The following ATG10 variants were observed in gnomAD, a reference collection of about 807,000 sequenced individuals.
The protein encoded by ATG10 is autophagy related 10.
ATG10 carries 30 observed loss-of-function variants against 32.1 expected under a neutral mutation model. The observed-to-expected ratio is 0.94, with a 90% CI of 0.70 to 1.27. ATG10 has a LOEUF of 1.27. Ranked by LOEUF, ATG10 falls within the 50% of genes most tolerant of loss-of-function variation. ATG10 has a pLI of 0.00. For synonymous variants in ATG10, 87 were observed against 91.5 expected (o/e 0.95, Z 0.28); for missense variants, 233 against 262.3 (o/e 0.89, Z 0.77).
At chr5:82,150,334 G>C (rs1767542807) in intron 3 of ATG10, among the ~76,000 whole-genome samples, 1 of 151,426 alleles carries the variant, frequency 6.6e-6, no homozygotes, top group African/African-American at 2.4e-5. Flanking sequence ...AATTTTTCAG[G>C]GTGCTGCAAG....
chr5:82,139,903 C>T (rs1227939511), intron 3 of ATG10, among the ~76,000 whole-genome samples: 263 of 139,244 alleles, frequency 1.9e-3, no homozygotes, highest in African/African-American at 6.2e-3. Flanking sequence ...GGGGTCAGCC[C>T]CCCGCCTGGC....
chr5:82,022,256 T>G (rs945899022), intron 2 of ATG10, among the ~76,000 whole-genome samples: 1 of 151,956 alleles, frequency 6.6e-6, no homozygotes, highest in East Asian at 1.9e-4. Flanking sequence ...TACAGAAGAC[T>G]GGATGTATAT....
intron 5 of ATG10, among the ~76,000 whole-genome samples, chr5:82,215,245 A>G (rs1280860614): frequency 6.6e-6 from 1 of 152,160 alleles, no homozygotes; most frequent in Non-Finnish European, 1.5e-5. Context: ...ACGTCTTACA[A>G]TATGGTAGCT....
At chr5:82,105,644 T>C (rs1765425933) in intron 3 of ATG10, among the ~76,000 whole-genome samples, 1 of 151,752 alleles carries the variant, frequency 6.6e-6, no homozygotes, top group African/African-American at 2.4e-5. Context: ...TCAGAGGGAG[T>C]CTGGGAATAC....
intron 3 of ATG10, among the ~76,000 whole-genome samples, chr5:82,071,048 T>C (rs1435250752): frequency 6.6e-6 from 1 of 152,156 alleles, no homozygotes; most frequent in Non-Finnish European, 1.5e-5. Flanking sequence ...ATATTTTTTA[T>C]TCCCCCCTTT....
At chr5:82,081,610 G>A (rs1764483691) in intron 3 of ATG10, among the ~76,000 whole-genome samples, 1 of 152,194 alleles carries the variant, frequency 6.6e-6, no homozygotes, top group Non-Finnish European at 1.5e-5. Context: ...CATCTATTGA[G>A]ATAATCATGT....
intron 2 of ATG10, among the ~76,000 whole-genome samples, chr5:81,988,368 G>C (rs1350214302): frequency 6.6e-6 from 1 of 151,900 alleles, no homozygotes. Context: ...CGAACTCCTG[G>C]CCTCAAGTGA....
At chr5:82,142,236 T>C (rs927001538) in intron 3 of ATG10, among the ~76,000 whole-genome samples, 3 of 152,200 alleles carry the variant, frequency 2.0e-5, no homozygotes, top group Admixed American at 6.5e-5. Context: ...GACAGACTCA[T>C]ATATAAATAA....
intron 3 of ATG10, among the ~76,000 whole-genome samples, chr5:82,152,991 CGTA>C (rs1767665146): frequency 6.6e-6 from 1 of 152,110 alleles, no homozygotes; most frequent in African/African-American, 2.4e-5. Context: ...GCTTGGAATA[CGTA>C]AGTGAATAAG....
chr5:82,169,320 GAAA>G (rs34118832), intron 4 of ATG10, among the ~76,000 whole-genome samples: 1 of 124,732 alleles, frequency 8.0e-6, no homozygotes. Flanking sequence ...GTGAAATTTG[GAAA>G]AAAAAAAAAA....
chr5:82,097,453 G>T (rs1765107924), intron 3 of ATG10, among the ~76,000 whole-genome samples: 1 of 152,090 alleles, frequency 6.6e-6, no homozygotes, highest in South Asian at 2.1e-4. Context: ...ACTCAAAGAA[G>T]TCTCAGGAGA....
chr5:82,025,552 A>G (rs1762569140), intron 2 of ATG10, among the ~76,000 whole-genome samples: 1 of 152,164 alleles, frequency 6.6e-6, no homozygotes. Flanking sequence ...GAAAGCTGAA[A>G]GTTGGGGATG....
chr5:82,018,094 T>G (rs888507561), intron 2 of ATG10, among the ~76,000 whole-genome samples: 2 of 152,142 alleles, frequency 1.3e-5, no homozygotes, highest in Non-Finnish European at 2.9e-5. Context: ...CACTTCTACT[T>G]TGATGGATTC....
chr5:82,100,195 G>C (rs1007788051), intron 3 of ATG10, among the ~76,000 whole-genome samples: 1 of 151,408 alleles, frequency 6.6e-6, no homozygotes, highest in African/African-American at 2.4e-5. Context: ...TTTTAGTAGG[G>C]AGGGTTTCAC....
chr5:82,084,687 TAAAG>T (rs1332034885), intron 3 of ATG10, among the ~76,000 whole-genome samples: 1 of 152,114 alleles, frequency 6.6e-6, no homozygotes, highest in Non-Finnish European at 1.5e-5. Context: ...TCAACATTCT[TAAAG>T]AAAAGAATTT....
chr5:82,007,961 AT>A (rs1762029471), intron 2 of ATG10, among the ~76,000 whole-genome samples: 1 of 152,202 alleles, frequency 6.6e-6, no homozygotes, highest in Non-Finnish European at 1.5e-5. Context: ...TTTAGTTACA[AT>A]TTTAAGGTTC....
intron 2 of ATG10, among the ~76,000 whole-genome samples, chr5:82,034,966 T>C (rs1762867245): frequency 6.6e-6 from 1 of 152,176 alleles, no homozygotes; most frequent in Non-Finnish European, 1.5e-5. Context: ...TCACTTAGGC[T>C]GGAGTGCAAT....
intron 3 of ATG10, among the ~76,000 whole-genome samples, chr5:82,151,394 C>G (rs1767587700): frequency 6.6e-6 from 1 of 152,102 alleles, no homozygotes; most frequent in Non-Finnish European, 1.5e-5. Flanking sequence ...CATTGCCACT[C>G]TATGCATTTA....
chr5:82,058,855 T>C (rs1230315236), intron 3 of ATG10, among the ~76,000 whole-genome samples: 6 of 152,218 alleles, frequency 3.9e-5, no homozygotes, highest in African/African-American at 1.4e-4. Context: ...TTTTCCTTTG[T>C]AATACTGAAA....
Sources: gnomAD v4.1 joint callset for allele counts (sites outside exome capture counted in the v4.1 genomes callset) on GRCh38, gnomAD v4.1.1 for gene constraint, MANE v1.5 for transcripts, NCBI Gene and HGNC (gene_info 2026-07-23, HGNC 2026-07-21) for gene names.